FAM171A1: variants seen among roughly 807,000 people sequenced by gnomAD.
The protein encoded by FAM171A1 is family with sequence similarity 171 member A1.
In FAM171A1, 23 loss-of-function variants were observed where a neutral mutation model predicts 74.9. That is an observed-to-expected ratio of 0.31 (90% CI 0.22 to 0.44). The LOEUF is 0.44. Ranked by LOEUF, FAM171A1 falls within the 20% of genes least tolerant of loss-of-function variation. The probability of loss-of-function intolerance (pLI) is 1.00; values close to 1 mark genes in which losing one functional copy is unlikely to be tolerated. For synonymous variants in FAM171A1, 527 were observed against 505.7 expected, an observed-to-expected ratio of 1.04 and a Z score of -0.57; for missense variants, 1,162 against 1,159.2, an observed-to-expected ratio of 1.00 and a Z score of -0.03.
chr10:15,343,753 G>C (rs534984915), intron 1 of FAM171A1, among the ~76,000 whole-genome samples: 19 of 152,222 alleles, frequency 1.2e-4, no homozygotes, highest in African/African-American at 3.6e-4. Flanking sequence ...CGTCCAGGAG[G>C]GGGGCTGGGA....
intron 1 of FAM171A1, among the ~76,000 whole-genome samples, chr10:15,366,101 C>T (rs1285933440): frequency 1.3e-5 from 2 of 152,050 alleles, no homozygotes; most frequent in African/African-American, 2.4e-5. Flanking sequence ...ATTCTTTGGT[C>T]GAGTACTGAA....
Position 15,214,950 on chromosome 10 carries a change from T to G in FAM171A1, c.987-349A>C, listed in dbSNP as rs1475290248. ...TAATTTTTGACTTTTAGTTTTTTTG[T>G]AGAGATGGCCTGTGTTGCCCAGGCT... On this transcript the variant is annotated intron_variant, in intron 7 of 7. Transcript: ENST00000378116. Among the ~76,000 whole-genome samples the G allele has an allele frequency of 2.0e-5, 3 of 151,858 alleles. No individual in the cohort carries two copies. The East Asian group carries it at 5.8e-4, about 30-fold the overall frequency.
intron 5 of FAM171A1, among the ~76,000 whole-genome samples, chr10:15,225,737 A>G (rs1834098186): frequency 6.6e-6 from 1 of 152,038 alleles, no homozygotes; most frequent in African/African-American, 2.4e-5. Flanking sequence ...ATGCGGTGAG[A>G]GCCTCGGGCA....
intron 1 of FAM171A1, among the ~76,000 whole-genome samples, chr10:15,298,478 T>A (rs1835188212): frequency 6.6e-6 from 1 of 152,210 alleles, no homozygotes; most frequent in Non-Finnish European, 1.5e-5. Context: ...AATACTTAGA[T>A]GTAGCTTTAA....
chr10:15,325,280 G>T (rs529160398), intron 1 of FAM171A1, among the ~76,000 whole-genome samples: 67 of 152,328 alleles, frequency 4.4e-4, no homozygotes, highest in African/African-American at 1.6e-3. Context: ...CAGAACACTT[G>T]AGCCCAGGAG....
In FAM171A1 at chr10:15,213,554, C is replaced by T; in HGVS notation, c.2034G>A (p.Leu678=). The T allele has an allele frequency of 6.2e-7, 1 of 1,614,150 alleles. No individual in the cohort carries two copies. Among genetic ancestry groups the T allele is most frequent in the Non-Finnish European group, 8.5e-7 (1 of 1,180,028 alleles). The change falls in exon 8 of 8, where the codon TTG becomes TTA. Residue 678 remains leucine, a synonymous_variant. Coordinates refer to ENST00000378116, the MANE Select transcript of FAM171A1 (RefSeq NM_001010924.2). This position sits in a 1 kb window ranked among gnomAD's most constrained non-coding sequence, Gnocchi z 6.8. ...SIPASLNDAA[L]AQMNSEVQLL... ...GCTGCACCTCACTGTTCATCTGAGCCAAAGCCGCGTCGTTCAGGGAAGCTG... is the reference window on the plus strand; with the variant it reads ...GCTGCACCTCACTGTTCATCTGAGCTAAAGCCGCGTCGTTCAGGGAAGCTG...
chr10:15,238,408 C>A (rs113274161), intron 5 of FAM171A1, among the ~76,000 whole-genome samples: 11,028 of 152,208 alleles, frequency 0.072, 458 homozygotes, highest in Middle Eastern at 0.17. Context: ...AGCCTGCATT[C>A]ACATGACATT....
rs75796441 is a variant in FAM171A1, at chr10:15,223,318, C to T, written c.755-2258G>A. Among the ~76,000 whole-genome samples the T allele has an allele frequency of 3.0e-4, 45 of 152,358 alleles. No individual in the cohort carries two copies. The East Asian group carries it at 7.7e-3, about 26-fold the overall frequency. On this transcript the variant is annotated intron_variant, in intron 5 of 7. Transcript: ENST00000378116. ...GCTCATGACTTACACGTCGTATCCC[C>T]TCCCCAAAGCTGGCCCACTACAGTG...
chr10:15,321,939 ATAG>A (rs1485628680), intron 1 of FAM171A1, among the ~76,000 whole-genome samples: 1 of 152,220 alleles, frequency 6.6e-6, no homozygotes, highest in Non-Finnish European at 1.5e-5. Context: ...TGAGAAACAA[ATAG>A]TAGATACTGT....
intron 1 of FAM171A1, among the ~76,000 whole-genome samples, chr10:15,362,974 G>A (rs561264920): frequency 5.3e-4 from 81 of 152,280 alleles, no homozygotes; most frequent in African/African-American, 1.8e-3. Flanking sequence ...CTCCCCGACA[G>A]ACCACCTCTT....
At chr10:15,258,234 T>C (rs1834608504) in intron 3 of FAM171A1, among the ~76,000 whole-genome samples, 1 of 152,058 alleles carries the variant, frequency 6.6e-6, no homozygotes. Context: ...CTAATTTTTG[T>C]ATTTTTAGTA....
intron 1 of FAM171A1, among the ~76,000 whole-genome samples, chr10:15,345,787 A>C (rs1835811336): frequency 2.0e-5 from 3 of 152,178 alleles, no homozygotes; most frequent in African/African-American, 4.8e-5. Flanking sequence ...TGAGGAGAGC[A>C]AAGGTGCAAA....
intron 1 of FAM171A1, among the ~76,000 whole-genome samples, chr10:15,355,718 A>AAT (rs1564289465): frequency 6.6e-5 from 10 of 151,698 alleles, no homozygotes; most frequent in East Asian, 5.8e-4. Context: ...CCATCTCAAA[A>AAT]AATAATAATA....
chr10:15,371,071 GGC>G lies in FAM171A1; in HGVS notation c.-21_-20del, dbSNP rs1588576917. ...TGCTCATCTCCGCCGCGGGGCCGGC[GGC>G]GGCTCGGGCTCGCCGAGAGCGGGCC... is the stretch of plus-strand genomic sequence containing the variant. On this transcript the variant is annotated 5_prime_UTR_variant, in exon 1 of 8. Transcript: ENST00000378116. 1 of 1,047,762 alleles carries G rather than the reference GGC, an allele frequency of 9.5e-7. No homozygotes were observed. Among genetic ancestry groups the G allele is most frequent in the Non-Finnish European group, 1.2e-6 (1 of 863,050 alleles). 64.9% of individuals were successfully genotyped at this position (1,047,762 alleles called of 1,614,324 possible). A position where few individuals can be genotyped will look rare whatever the true frequency, so the allele number is the denominator to read the frequency against.
chr10:15,328,617 G>A (rs1835587510), intron 1 of FAM171A1, among the ~76,000 whole-genome samples: 1 of 152,222 alleles, frequency 6.6e-6, no homozygotes, highest in African/African-American at 2.4e-5. Context: ...TTCCTGAGCT[G>A]CAGTAGTGCA....
upstream of FAM171A1, among the ~76,000 whole-genome samples, chr10:15,371,428 G>T (rs575044615): frequency 6.8e-6 from 1 of 147,710 alleles, no homozygotes; most frequent in African/African-American, 2.5e-5. Context: ...GACCCCCGGC[G>T]ACACTGCCCC....
chr10:15,280,231 G>A (rs1395296846), intron 2 of FAM171A1, among the ~76,000 whole-genome samples: 9 of 152,206 alleles, frequency 5.9e-5, no homozygotes, highest in African/African-American at 1.9e-4. Flanking sequence ...GTGGCCAGGG[G>A]AGGAGGCTCC....
chr10:15,369,422 A>G (rs1364412451), intron 1 of FAM171A1, among the ~76,000 whole-genome samples: 2 of 152,176 alleles, frequency 1.3e-5, no homozygotes, highest in East Asian at 1.9e-4. Context: ...AGAAGCTGCA[A>G]TGCAACACTG....
At chr10:15,253,532 T>C (rs1420788700) in intron 4 of FAM171A1, among the ~76,000 whole-genome samples, 1 of 152,146 alleles carries the variant, frequency 6.6e-6, no homozygotes, top group Non-Finnish European at 1.5e-5. Flanking sequence ...GAAAAATGAG[T>C]AACAAATCAC....
Sources: allele counts gnomAD v4.1 joint callset (sites outside exome capture counted in the v4.1 genomes callset), GRCh38; gene constraint gnomAD v4.1.1; non-coding constraint Gnocchi (gnomAD v3.1); transcripts MANE v1.5; gene names NCBI Gene and HGNC (gene_info 2026-07-23, HGNC 2026-07-21).